Variants in MACROD1 observed in about 807,000 individuals in gnomAD.
MACROD1 encodes ADP-ribose glycohydrolase MACROD1.
Under a neutral mutation model 41.4 loss-of-function variants are expected in MACROD1, and 31 were observed. The ratio of observed to expected loss-of-function variants is 0.75; its 90% confidence interval spans 0.56 to 1.01. The LOEUF (loss-of-function observed/expected upper bound fraction) is 1.01. Ranked by LOEUF, MACROD1 falls within the 50% of genes least tolerant of loss-of-function variation. The probability of loss-of-function intolerance (pLI) is 0.00; values close to 1 mark genes in which losing one functional copy is unlikely to be tolerated. For synonymous variants in MACROD1, 252 were observed against 203.4 expected, an observed-to-expected ratio of 1.24 and a Z score of -2.03; for missense variants, 473 against 460.0, an observed-to-expected ratio of 1.03 and a Z score of -0.26.
chr11:64,052,632 G>A (rs1288797361), intron 3 of MACROD1, among the ~76,000 whole-genome samples: 1 of 152,206 alleles, frequency 6.6e-6, no homozygotes, highest in African/African-American at 2.4e-5. Flanking sequence ...AGTCCAGGGA[G>A]GGCCCACCTG....
At chr11:64,137,801 C>T (rs1027557137) in intron 3 of MACROD1, among the ~76,000 whole-genome samples, 8 of 152,242 alleles carry the variant, frequency 5.3e-5, no homozygotes, top group South Asian at 2.1e-4. Flanking sequence ...GCATCCAGGC[C>T]GCAGAGTTCC....
At chr11:64,142,406 G>C (rs1329107516) in intron 3 of MACROD1, among the ~76,000 whole-genome samples, 1 of 152,132 alleles carries the variant, frequency 6.6e-6, no homozygotes, top group African/African-American at 2.4e-5. Context: ...ACCCAGGACA[G>C]AGAGCTACTG....
chr11:64,158,417 T>C (rs767644099), intron 1 of MACROD1, among the ~76,000 whole-genome samples: 5 of 152,208 alleles, frequency 3.3e-5, no homozygotes, highest in Admixed American at 6.5e-5. Context: ...TTTTTAATTT[T>C]ATTTTTAGGA....
At chr11:64,115,664 G>A (rs1313707986) in intron 3 of MACROD1, among the ~76,000 whole-genome samples, 4 of 152,172 alleles carry the variant, frequency 2.6e-5, no homozygotes, top group East Asian at 3.8e-4. Flanking sequence ...AGGTTCTGGC[G>A]ACGCCCCCCT....
chr11:64,127,821 C>A (rs1945209133), intron 3 of MACROD1, among the ~76,000 whole-genome samples: 1 of 152,114 alleles, frequency 6.6e-6, no homozygotes, highest in Non-Finnish European at 1.5e-5. Context: ...CCCCAGACGC[C>A]CCCCATCCCC....
intron 10 of MACROD1, 43 bp downstream of exon 10, chr11:63,998,791 GGTTA>G: frequency 6.8e-7 from 1 of 1,465,682 alleles, no homozygotes; most frequent in Non-Finnish European, 9.0e-7. Context: ...TTAGTGGGCG[GGTTA>G]GTCTAGGGCC....
intron 5 of MACROD1, 161 bp downstream of exon 5, chr11:64,000,066 C>T (rs1942793852): frequency 1.2e-5 from 8 of 650,560 alleles, no homozygotes; most frequent in Non-Finnish European, 2.1e-5. Context: ...CCATGTGCTT[C>T]CTGGGGTGTG....
At chr11:64,119,150 G>A (rs1945053070) in intron 3 of MACROD1, 1 of 167,224 alleles carries the variant, frequency 6.0e-6, no homozygotes, top group South Asian at 2.1e-4. Flanking sequence ...ACCATTTCCT[G>A]AACAATAGAA....
intron 3 of MACROD1, among the ~76,000 whole-genome samples, chr11:64,038,795 T>C (rs1943430697): frequency 6.6e-6 from 1 of 152,158 alleles, no homozygotes; most frequent in African/African-American, 2.4e-5. Context: ...CCTGGGACAC[T>C]AGAATGCCAT....
chr11:64,001,147 AC>A (rs1475304366), intron 4 of MACROD1: 2 of 445,604 alleles, frequency 4.5e-6, no homozygotes, highest in African/African-American at 4.0e-5. Context: ...CATGGAGGAA[AC>A]GCTCCAGCAG....
At position 64,017,414 on chromosome 11, in the gene MACROD1, G is replaced by A. The variant is rs1014685783; in HGVS notation, c.518-2133C>T. Among the ~76,000 whole-genome samples the A allele has an allele frequency of 7.8e-4, 118 of 152,246 alleles. 1 individual carries two copies. The highest frequency in any genetic ancestry group is 9.2e-4 in the Admixed American group (14 of 15,292). On this transcript the variant is annotated intron_variant, in intron 3 of 10. Coordinates refer to ENST00000255681, the MANE Select transcript of MACROD1 (RefSeq NM_014067.4). ...TACAGAGAAGGAGACTGAGGCTTAG[G>A]GAGCTTCAGTCATGGGGTGGCAGCA...
At chr11:64,079,988 C>A (rs964467323) in intron 3 of MACROD1, among the ~76,000 whole-genome samples, 7 of 152,176 alleles carry the variant, frequency 4.6e-5, no homozygotes, top group Admixed American at 4.6e-4. Flanking sequence ...AGACCTTGAA[C>A]AAGTTGCTTT....
At chr11:64,047,050 G>A (rs767413049) in intron 3 of MACROD1, among the ~76,000 whole-genome samples, 3 of 150,576 alleles carry the variant, frequency 2.0e-5, no homozygotes, top group South Asian at 2.1e-4. Flanking sequence ...TGCCCCCCCC[G>A]GCTAGCATGC....
intron 3 of MACROD1, among the ~76,000 whole-genome samples, chr11:64,143,304 G>A (rs528033148): frequency 5.5e-4 from 83 of 152,288 alleles, no homozygotes; most frequent in African/African-American, 1.9e-3. Context: ...CTTTTACCCA[G>A]AGCCGTGACC....
In MACROD1 at chr11:64,165,905, G is replaced by C. The variant is rs900802123; in HGVS notation, c.90C>G (p.His30Gln). ...TGCGGGTCCTCGTGGCACCCGCCAA[G>C]TGTCCGGGCCGGGGGCGCGGGGGGA... The part of the protein sequence containing the change: ...LLVPPRPRPG[H>Q]LAGATRTRSS... Residue 30 changes from histidine to glutamine, a missense_variant, in exon 1 of 11, where the codon CAC (histidine) becomes CAG (glutamine). His to Gln is a conservative substitution (Grantham distance 24). Coordinates refer to ENST00000255681, the MANE Select transcript of MACROD1 (RefSeq NM_014067.4). The C allele has an allele frequency of 4.2e-5, 57 of 1,371,668 alleles. No homozygotes were observed. The highest frequency in any genetic ancestry group is 5.3e-4 in the Middle Eastern group (2 of 3,778). 85.0% of individuals were successfully genotyped at this position (1,371,668 alleles called of 1,614,324 possible).
intron 3 of MACROD1, chr11:64,117,550 A>G: frequency 6.2e-7 from 1 of 1,603,644 alleles, no homozygotes; most frequent in Non-Finnish European, 8.5e-7. Flanking sequence ...AACATTGACT[A>G]CCCCATGGCC....
chr11:64,114,391 G>A (rs1565239295), intron 3 of MACROD1, among the ~76,000 whole-genome samples: 1 of 140,262 alleles, frequency 7.1e-6, no homozygotes, highest in Admixed American at 7.2e-5. Context: ...ATGGATGGGT[G>A]AATGGACAGG....
chr11:64,105,534 C>T (rs1158637620), intron 3 of MACROD1, among the ~76,000 whole-genome samples: 1 of 152,198 alleles, frequency 6.6e-6, no homozygotes, highest in Non-Finnish European at 1.5e-5. Context: ...AGGCTGTGGC[C>T]AGCTGGAGAG....
chr11:64,130,434 T>C (rs1450777657), intron 3 of MACROD1, among the ~76,000 whole-genome samples: 1 of 152,138 alleles, frequency 6.6e-6, no homozygotes, highest in Non-Finnish European at 1.5e-5. Context: ...TCCCTTCTCC[T>C]GCCCCTACTT....
Sources: gnomAD v4.1 joint callset for allele counts (sites outside exome capture counted in the v4.1 genomes callset) on GRCh38, gnomAD v4.1.1 for gene constraint, MANE v1.5 for transcripts, NCBI Gene and HGNC (gene_info 2026-07-23, HGNC 2026-07-21) for gene names.